Variants in DLGAP1 observed in about 807,000 individuals in gnomAD.
DLGAP1 encodes the protein disks large-associated protein 1.
In DLGAP1, 11 loss-of-function variants were observed where a neutral mutation model predicts 90.8. The observed-to-expected ratio is 0.12, with a 90% CI of 0.08 to 0.20. DLGAP1 has a LOEUF of 0.20. DLGAP1 is among the 10% of genes least tolerant of loss of function. DLGAP1 has a pLI of 1.00. For missense variants in DLGAP1, 1,050 were observed against 1,333.8 expected (o/e 0.79, Z 3.31); for synonymous variants, 558 against 540.7 (o/e 1.03, Z -0.44).
Position 4,387,952 on chromosome 18 carries a change from C to A in DLGAP1, c.-267+67054G>T, listed in dbSNP as rs1000491594. Among the ~76,000 whole-genome samples the A allele has an allele frequency of 1.3e-4, 19 of 151,580 alleles. 1 individual carries two copies. The East Asian group carries it at 3.7e-3, about 30-fold the overall frequency. Reference sequence around the variant, plus strand: ...ACATACACACACACACACACACACACACACACACACACACACACACACTCA... The same window carrying A: ...ACATACACACACACACACACACACAAACACACACACACACACACACACTCA... On this transcript the variant is annotated intron_variant, in intron 1 of 12. Coordinates refer to ENST00000315677, the MANE Select transcript of DLGAP1 (RefSeq NM_004746.4).
At chr18:3,719,969 T>C (rs907573193) in intron 7 of DLGAP1, among the ~76,000 whole-genome samples, 1 of 152,210 alleles carries the variant, frequency 6.6e-6, no homozygotes, top group Non-Finnish European at 1.5e-5. Flanking sequence ...AAGGTTGGAT[T>C]TGAAGAGAGA....
Position 3,817,436 on chromosome 18 carries a change from G to A in DLGAP1, c.958-3163C>T, listed in dbSNP as rs538956105. Among the ~76,000 whole-genome samples the A allele has an allele frequency of 3.3e-5, 5 of 152,212 alleles. No individual in the cohort carries two copies. The East Asian group carries it at 5.8e-4, about 18-fold the overall frequency. Reference sequence around the variant, plus strand: ...AAGTTATGTGGAAGTGACTTCCATTGGAGTGGAATTTGAATAGTAATACAT... The same window carrying A: ...AAGTTATGTGGAAGTGACTTCCATTAGAGTGGAATTTGAATAGTAATACAT... On this transcript the variant is annotated intron_variant, in intron 4 of 12. Transcript: ENST00000315677.
At position 3,898,451 on chromosome 18, in the gene DLGAP1, G is replaced by A. The variant is rs558961347; in HGVS notation, c.-72-18311C>T. Among the ~76,000 whole-genome samples the A allele has an allele frequency of 3.7e-4, 57 of 152,304 alleles. 1 individual carries two copies. The South Asian group carries it at 4.4e-3, about 12-fold the overall frequency. On this transcript the variant is annotated intron_variant, in intron 3 of 12. Coordinates refer to ENST00000315677, the MANE Select transcript of DLGAP1 (RefSeq NM_004746.4). ...GAGGAGGAAAATGAGGTATGGGAAA[G>A]TTAAATAATTTACTTGTAGTTAATC...
intron 1 of DLGAP1, among the ~76,000 whole-genome samples, chr18:4,156,374 T>G (rs908346061): frequency 6.6e-6 from 1 of 152,214 alleles, no homozygotes; most frequent in Admixed American, 6.5e-5. Flanking sequence ...AAATAATATA[T>G]GTAATGCACA....
intron 1 of DLGAP1, among the ~76,000 whole-genome samples, chr18:4,180,536 T>A (rs1231147994): frequency 6.6e-6 from 1 of 152,148 alleles, no homozygotes; most frequent in African/African-American, 2.4e-5. Context: ...GATGGGAGAA[T>A]TATTATTGAG....
At chr18:4,011,805 G>T (rs939168894) in intron 2 of DLGAP1, among the ~76,000 whole-genome samples, 1 of 151,922 alleles carries the variant, frequency 6.6e-6, no homozygotes. Context: ...GCCTGGGTGA[G>T]TTCAGTGGTG....
intron 1 of DLGAP1, among the ~76,000 whole-genome samples, chr18:4,166,526 A>AC (rs2076935956): frequency 6.6e-6 from 1 of 152,196 alleles, no homozygotes; most frequent in Non-Finnish European, 1.5e-5. Context: ...CAGAATTATC[A>AC]CATGATCTGG....
In DLGAP1 at chr18:3,762,303, GAAA is replaced by G. The variant is rs1464900628; in HGVS notation, c.1173-19794_1173-19792del. On this transcript the variant is annotated intron_variant, in intron 5 of 12. Coordinates refer to ENST00000315677, the MANE Select transcript of DLGAP1 (RefSeq NM_004746.4). ...ATCAGTTTATGAACCAGTAAGAAAA[GAAA>G]TAACTTTATTGCTAAGAAAGATGTA... Among the ~76,000 whole-genome samples the G allele has an allele frequency of 2.0e-5, 3 of 152,180 alleles. No individual in the cohort carries two copies. In the East Asian group the frequency reaches 5.8e-4, roughly 29 times the overall value.
chr18:3,981,949 C>T (rs1003782089), intron 3 of DLGAP1, among the ~76,000 whole-genome samples: 1 of 152,112 alleles, frequency 6.6e-6, no homozygotes, highest in Non-Finnish European at 1.5e-5. Context: ...ATCTTGACTA[C>T]TTTTTATATT....
chr18:3,534,386 G>C lies in DLGAP1; in HGVS notation c.2287C>G (p.Pro763Ala). The C allele has an allele frequency of 1.2e-6, 2 of 1,614,154 alleles. No homozygotes were observed. Among genetic ancestry groups the C allele is most frequent in the Non-Finnish European group, 1.7e-6 (2 of 1,180,012 alleles). ...ADDDFDTDFD[P>A]SILPPPDPWI... ...GGGTCCGGAGGAGGCAGAATAGAGG[G>C]GTCAAAATCCGTGTCAAAGTCATCA... The change falls in exon 10 of 13, where the codon CCC becomes GCC. Residue 763 changes from proline (P) to alanine (A), a missense_variant. Transcript: ENST00000315677.
At chr18:4,095,900 C>T (rs994575425) in intron 2 of DLGAP1, among the ~76,000 whole-genome samples, 5 of 151,858 alleles carry the variant, frequency 3.3e-5, no homozygotes, top group East Asian at 3.9e-4. Context: ...GCGGAATCTT[C>T]GAAGTGATTT....
chr18:3,969,418 C>T (rs1172310138), intron 3 of DLGAP1, among the ~76,000 whole-genome samples: 3 of 152,046 alleles, frequency 2.0e-5, no homozygotes, highest in Non-Finnish European at 2.9e-5. Context: ...CTCAATTAGG[C>T]GTTGACTGAG....
intron 1 of DLGAP1, among the ~76,000 whole-genome samples, chr18:4,437,846 T>C (rs943833533): frequency 6.6e-6 from 1 of 152,044 alleles, no homozygotes; most frequent in African/African-American, 2.4e-5. Context: ...GGAATTAACA[T>C]ATAAAGACAA....
intron 2 of DLGAP1, among the ~76,000 whole-genome samples, chr18:4,115,875 G>T (rs1394463589): frequency 6.6e-6 from 1 of 152,162 alleles, no homozygotes; most frequent in Admixed American, 6.5e-5. Flanking sequence ...CTAATATAAT[G>T]ATACACATAT....
intron 5 of DLGAP1, among the ~76,000 whole-genome samples, chr18:3,762,265 T>C (rs1380195006): frequency 6.6e-6 from 1 of 152,218 alleles, no homozygotes; most frequent in Non-Finnish European, 1.5e-5. Flanking sequence ...GCTGAAAGAC[T>C]GTTGACAACA....
chr18:3,889,556 G>GTGTA (rs1425100278), intron 3 of DLGAP1, among the ~76,000 whole-genome samples: 1 of 152,122 alleles, frequency 6.6e-6, no homozygotes, highest in African/African-American at 2.4e-5. Flanking sequence ...CAGACATTAA[G>GTGTA]CCCTTTTGTG....
chr18:3,909,123 C>A (rs549355228), intron 3 of DLGAP1, among the ~76,000 whole-genome samples: 4 of 152,232 alleles, frequency 2.6e-5, no homozygotes, highest in Admixed American at 2.6e-4. Context: ...CCAAAAATTA[C>A]CTGAGTGTTT....
At chr18:4,322,981 T>C (rs1253930856) in intron 1 of DLGAP1, among the ~76,000 whole-genome samples, 2 of 144,238 alleles carry the variant, frequency 1.4e-5, no homozygotes, top group Non-Finnish European at 3.0e-5. Context: ...AAAAAGCTAC[T>C]GCATGGAGAA....
intron 2 of DLGAP1, among the ~76,000 whole-genome samples, chr18:4,029,431 A>G (rs999072452): frequency 6.6e-6 from 1 of 152,192 alleles, no homozygotes; most frequent in Admixed American, 6.5e-5. Context: ...ATTGCTTTCC[A>G]TAATGGCTCT....
Sources: gnomAD v4.1 joint callset for allele counts (sites outside exome capture counted in the v4.1 genomes callset) on GRCh38, gnomAD v4.1.1 for gene constraint, MANE v1.5 for transcripts, NCBI Gene and HGNC (gene_info 2026-07-23, HGNC 2026-07-21) for gene names.